Variants in ADD2 observed in about 807,000 individuals in gnomAD.
ADD2 encodes the protein beta-adducin.
Under a neutral mutation model 83.0 loss-of-function variants are expected in ADD2, and 23 were observed. That is an observed-to-expected ratio of 0.28 (90% confidence interval 0.20 to 0.39). The LOEUF (loss-of-function observed/expected upper bound fraction) is 0.39. Ranked by LOEUF, ADD2 falls within the 10% of genes least tolerant of loss-of-function variation. The pLI is 1.00. For synonymous variants in ADD2, 375 were observed against 375.4 expected, an observed-to-expected ratio of 1.00 and a Z score of 0.01; for missense variants, 758 against 944.9, an observed-to-expected ratio of 0.80 and a Z score of 2.59.
rs1179886493 is a variant in ADD2, at chr2:70,767,994, C to A, written c.-262G>T. The A allele has an allele frequency of 3.9e-6, 6 of 1,532,020 alleles. No homozygotes were observed. Among genetic ancestry groups the A allele is most frequent in the African/African-American group, 1.4e-5 (1 of 72,952 alleles). The allele number at this position is 1,532,020 out of a possible 1,614,324, so 94.9% of individuals were successfully genotyped here. ...TTAAAAAATCCACCCAGCTAATCTG[C>A]AGGGCAGCGTTTTCTGCCCATGCTG... is the stretch of plus-strand genomic sequence containing the variant. On this transcript the variant is annotated 5_prime_UTR_variant, in exon 1 of 16. Coordinates refer to ENST00000264436, the MANE Select transcript of ADD2 (RefSeq NM_001617.4).
rs782769030 is a variant in ADD2, at chr2:70,663,381, G to A, written c.*44C>T. 2 of 1,556,230 alleles carry A rather than the reference G, an allele frequency of 1.3e-6. No individual in the cohort carries two copies. The highest frequency in any genetic ancestry group is 3.5e-5 in the Admixed American group (2 of 57,862). On this transcript the variant is annotated 3_prime_UTR_variant, in exon 16 of 16. Coordinates refer to ENST00000264436, the MANE Select transcript of ADD2 (RefSeq NM_001617.4). ...GGGACAGAGATGGGAGAAGGGAAGGGGAGGAGAGAGAGGAGGCAGGAGGGA... is the reference window on the plus strand; with the variant it reads ...GGGACAGAGATGGGAGAAGGGAAGGAGAGGAGAGAGAGGAGGCAGGAGGGA...
rs996971444 is a variant in ADD2, at chr2:70,713,148, G to A, written c.-117C>T. ...CCCTAGCTCCACTCTCAAGGGTGCCGGCCACATCTACACAACCTCAAACAT... is the reference window on the plus strand; with the variant it reads ...CCCTAGCTCCACTCTCAAGGGTGCCAGCCACATCTACACAACCTCAAACAT... On this transcript the variant is annotated 5_prime_UTR_variant, in exon 2 of 16. Transcript: ENST00000264436. 9 of 984,436 alleles carry A rather than the reference G, an allele frequency of 9.1e-6. No individual in the cohort carries two copies. In the South Asian group the frequency reaches 1.4e-4, roughly 15 times the overall value. The allele number at this position is 984,436 out of a possible 1,614,324, so 61.0% of individuals were successfully genotyped here. A position where few individuals can be genotyped will look rare whatever the true frequency, so the allele number is the denominator to read the frequency against.
At chr2:70,675,923 C>T (rs1327448854) in intron 13 of ADD2, 3 of 985,282 alleles carry the variant, frequency 3.0e-6, no homozygotes, top group Non-Finnish European at 3.6e-6. Context: ...TATTTCTATA[C>T]TTGACCCTGC....
chr2:70,668,646 A>G (rs1389529047), intron 15 of ADD2, among the ~76,000 whole-genome samples: 1 of 152,240 alleles, frequency 6.6e-6, no homozygotes, highest in Non-Finnish European at 1.5e-5. Flanking sequence ...AAGGCTCAAC[A>G]GAGGATGCCT....
chr2:70,677,622 T>C lies in ADD2; in HGVS notation c.1503+136A>G, dbSNP rs373496367. Reference sequence around the variant, plus strand: ...CAGCACCTGGGCCATGGTCAGTCAATGGTAGTTTCTCTCTCCTGTGAGGCA... The same window carrying C: ...CAGCACCTGGGCCATGGTCAGTCAACGGTAGTTTCTCTCTCCTGTGAGGCA... On this transcript the variant is annotated intron_variant, in intron 12 of 15. Coordinates refer to ENST00000264436, the MANE Select transcript of ADD2 (RefSeq NM_001617.4). 26 of 1,163,276 alleles carry C rather than the reference T, an allele frequency of 2.2e-5. 1 individual carries two copies. Among genetic ancestry groups the C allele is most frequent in the African/African-American group, 1.1e-4 (7 of 65,332 alleles). The allele number at this position is 1,163,276 out of a possible 1,614,324, so 72.1% of individuals were successfully genotyped here.
chr2:70,677,662 G>T (rs1553368620), intron 12 of ADD2, 96 bp downstream of exon 12: 6 of 1,491,592 alleles, frequency 4.0e-6, no homozygotes, highest in South Asian at 1.2e-5. Flanking sequence ...AGATGTCAGC[G>T]AGTCAGGCAC....
rs2104250793 is a variant in ADD2, at chr2:70,678,945, T to C, written c.1142A>G (p.Tyr381Cys). The change falls in exon 11 of 16, where the codon TAC (tyrosine) becomes TGC (cysteine). Residue 381 changes from tyrosine to cysteine, a missense_variant. Tyr to Cys is a radical substitution (Grantham distance 194, BLOSUM62 -2). Coordinates refer to ENST00000264436, the MANE Select transcript of ADD2 (RefSeq NM_001617.4). ...MLDNLGYRTG[Y>C]TYRHPFVQEK... ...TTGAACAAAGGGGTGGCGATACGTGTAACCTGTTCTGTAGCCCTATAAAGG... is the reference window on the plus strand; with the variant it reads ...TTGAACAAAGGGGTGGCGATACGTGCAACCTGTTCTGTAGCCCTATAAAGG... 6.2e-7 allele frequency: 1 copy of C among 1,612,748 alleles called. No individual in the cohort carries two copies. Among genetic ancestry groups the C allele is most frequent in the Middle Eastern group, 1.7e-4 (1 of 6,052 alleles).
chr2:70,678,652 G>T, intron 11 of ADD2, 52 bp downstream of exon 11: 1 of 1,509,426 alleles, frequency 6.6e-7, no homozygotes, highest in East Asian at 2.3e-5. Context: ...GCTTCACCCT[G>T]CTAATGCAGC....
intron 1 of ADD2, among the ~76,000 whole-genome samples, chr2:70,722,934 C>T (rs1553377637): frequency 6.6e-6 from 1 of 152,222 alleles, no homozygotes; most frequent in East Asian, 1.9e-4. Context: ...CCCCTATATT[C>T]TCTCTACAAG....
At position 70,674,863 on chromosome 2, in the gene ADD2, C is replaced by T. The variant is rs199937825; in HGVS notation, c.1594-38G>A. ...CACAGAGGGTGTGTCGCTCTCTGAACGCCGCAGTTGGGGTGCAGGCCCCAG... is the reference window on the plus strand; with the variant it reads ...CACAGAGGGTGTGTCGCTCTCTGAATGCCGCAGTTGGGGTGCAGGCCCCAG... On this transcript the variant is annotated intron_variant, in intron 13 of 15. Coordinates refer to ENST00000264436, the MANE Select transcript of ADD2 (RefSeq NM_001617.4). 3.6e-5 allele frequency: 58 copies of T among 1,597,708 alleles called. No homozygotes were observed. In the Middle Eastern group the frequency reaches 5.0e-4, roughly 14 times the overall value.
At chr2:70,724,151 A>C (rs571881190) in intron 1 of ADD2, among the ~76,000 whole-genome samples, 18 of 152,132 alleles carry the variant, frequency 1.2e-4, no homozygotes, top group Non-Finnish European at 2.1e-4. Flanking sequence ...TAAATGAAAA[A>C]GGTGTTGGGG....
intron 1 of ADD2, among the ~76,000 whole-genome samples, chr2:70,726,148 C>T (rs1558562245): frequency 1.5e-5 from 2 of 130,660 alleles, no homozygotes; most frequent in South Asian, 5.1e-4. Flanking sequence ...GATCCCGCCA[C>T]GGCACTCCAG....
chr2:70,673,207 T>C (rs1553367480), intron 14 of ADD2: 1 of 1,608,372 alleles, frequency 6.2e-7, no homozygotes, highest in Non-Finnish European at 8.5e-7. Flanking sequence ...TGGGAGAGGG[T>C]GGAGTCATGT....
chr2:70,747,241 A>G (rs1400023702), intron 1 of ADD2, among the ~76,000 whole-genome samples: 1 of 152,070 alleles, frequency 6.6e-6, no homozygotes, highest in Non-Finnish European at 1.5e-5. Context: ...CGATCTCCTG[A>G]CCTCAAGATC....
rs142848789 is a variant in ADD2 at position 70,690,685 on chromosome 2, C to T, written c.849+101G>A. 1.6e-3 allele frequency: 2,157 copies of T among 1,368,862 alleles called. 28 individuals carry two copies. In the African/African-American group the frequency reaches 0.029, roughly 18 times the overall value. 84.8% of individuals were successfully genotyped at this position (1,368,862 alleles called of 1,614,324 possible). On this transcript the variant is annotated intron_variant, in intron 8 of 15. Coordinates refer to ENST00000264436, the MANE Select transcript of ADD2 (RefSeq NM_001617.4). ...TAGAGATCTTTCTTTTTTTTCCCCCCTCTCTCCCTCCCTTATTGTCCAATG... is the reference window on the plus strand; with the variant it reads ...TAGAGATCTTTCTTTTTTTTCCCCCTTCTCTCCCTCCCTTATTGTCCAATG...
intron 1 of ADD2, among the ~76,000 whole-genome samples, chr2:70,766,761 G>C (rs1373015782): frequency 6.6e-6 from 1 of 152,198 alleles, no homozygotes; most frequent in Non-Finnish European, 1.5e-5. Context: ...AGCACGAAAT[G>C]TGCATTTAGG....
At chr2:70,666,381 G>A (rs1183046610) in intron 15 of ADD2, among the ~76,000 whole-genome samples, 1 of 152,218 alleles carries the variant, frequency 6.6e-6, no homozygotes, top group Non-Finnish European at 1.5e-5. Context: ...ATGAACACCA[G>A]CCCTGAGTGC....
In ADD2 at chr2:70,706,917, G is replaced by A. The variant is rs782619248; in HGVS notation, c.-34-475C>T. ...GGGCTTAACACCTAGGTAATGGGTT[G>A]ATAGGCGCAGCAAACCACCATGGCA... On this transcript the variant is annotated intron_variant, in intron 2 of 15. Coordinates refer to ENST00000264436, the MANE Select transcript of ADD2 (RefSeq NM_001617.4). The surrounding 1 kb of genome is among the most constrained non-coding windows in gnomAD (Gnocchi z 5.0). 6.6e-6 allele frequency among the ~76,000 whole-genome samples: 1 copy of A among 152,154 alleles called. No individual in the cohort carries two copies. The highest frequency in any genetic ancestry group is 2.4e-5 in the African/African-American group (1 of 41,424).
At chr2:70,735,777 A>C (rs1673519759) in intron 1 of ADD2, among the ~76,000 whole-genome samples, 1 of 147,238 alleles carries the variant, frequency 6.8e-6, no homozygotes, top group Non-Finnish European at 1.5e-5. Flanking sequence ...GCTGGAGTGC[A>C]GTGGCGTGAT....
Sources: gnomAD v4.1 joint callset for allele counts (sites outside exome capture counted in the v4.1 genomes callset) on GRCh38, gnomAD v4.1.1 for gene constraint, Gnocchi (gnomAD v3.1) non-coding constraint, MANE v1.5 for transcripts, NCBI Gene and HGNC (gene_info 2026-07-23, HGNC 2026-07-21) for gene names.